The following MYO1G variants were observed in gnomAD, a reference collection of about 807,000 sequenced individuals.
The protein encoded by MYO1G is myosin IG, also known as unconventional myosin-Ig.
Under a neutral mutation model 115.3 loss-of-function variants are expected in MYO1G, and 65 were observed. The observed-to-expected ratio is 0.56, with a 90% CI of 0.46 to 0.69. The LOEUF is 0.69. MYO1G is among the 30% of genes least tolerant of loss of function. The pLI, the probability that MYO1G is intolerant of heterozygous loss-of-function variation, is 0.00. For missense variants in MYO1G, 1,204 were observed against 1,393.5 expected (o/e 0.86, Z 2.16); for synonymous variants, 510 against 552.6 (o/e 0.92, Z 1.08).
chr7:44,963,433 G>C lies in MYO1G; in HGVS notation c.2746-309C>G. 2.6e-6 allele frequency: 1 copy of C among 381,730 alleles called. No individual in the cohort carries two copies. The highest frequency in any genetic ancestry group is 6.8e-5 in the South Asian group (1 of 14,634). The allele number at this position is 381,730 out of a possible 1,614,324, so 23.6% of individuals were successfully genotyped here. The stretch of plus-strand genomic sequence containing the variant: ...CCCTTGCATGTGCTACTGCCTGGAG[G>C]AGCCGTTTTTAGTTCTAGGTCACTT... On this transcript the variant is annotated intron_variant, in intron 20 of 21. Transcript: ENST00000258787. The surrounding 1 kb of genome is among the most constrained non-coding windows in gnomAD (Gnocchi z 4.1).
chr7:44,962,983 C>T lies in MYO1G; in HGVS notation c.2887G>A (p.Ala963Thr), dbSNP rs1407433110. ...RVGELVGVLA[A>T]HCQGEGRTLE... The stretch of plus-strand genomic sequence containing the variant: ...GCCTGCACTCACCCCTGGCAGTGTG[C>T]GGCCAGCACGCCCACCAGCTCCCCA... Residue 963 changes from alanine (A) to threonine (T), a missense_variant, in exon 21 of 22, where the codon GCA (alanine) becomes ACA (threonine). Ala to Thr is a moderately conservative substitution (Grantham distance 58). Transcript: ENST00000258787. The surrounding 1 kb of genome is among the most constrained non-coding windows in gnomAD (Gnocchi z 5.3). 4 of 1,532,338 alleles carry T rather than the reference C, an allele frequency of 2.6e-6. No homozygotes were observed. The highest frequency in any genetic ancestry group is 2.5e-5 in the East Asian group (1 of 40,016). The allele number at this position is 1,532,338 out of a possible 1,614,324, so 94.9% of individuals were successfully genotyped here. A position where few individuals can be genotyped will look rare whatever the true frequency, so the allele number is the denominator to read the frequency against.
rs1251740226 is a variant in MYO1G at position 44,966,244 on chromosome 7, G to A, written c.1986C>T (p.His662=). The change falls in exon 16 of 22, where the codon CAC becomes CAT. Residue 662 remains histidine, a synonymous_variant. Coordinates refer to ENST00000258787, the MANE Select transcript of MYO1G (RefSeq NM_033054.3). This position sits in a 1 kb window ranked among gnomAD's most constrained non-coding sequence, Gnocchi z 5.0. The stretch of plus-strand genomic sequence containing the variant: ...CGGCTGCCTTGTCGGAGCCCAGCAG[G>A]TGGTTGGGCCATGTGTATTCACAGG... The part of the protein sequence containing the change: ...KMTCEYTWPN[H]LLGSDKAAVS... 1 of 1,611,408 alleles carries A rather than the reference G, an allele frequency of 6.2e-7. No individual in the cohort carries two copies. Among genetic ancestry groups the A allele is most frequent in the Non-Finnish European group, 8.5e-7 (1 of 1,179,388 alleles).
intron 5 of MYO1G, 63 bp from the exon 6 acceptor site, chr7:44,972,288 C>G (rs2128702438): frequency 8.4e-7 from 1 of 1,195,054 alleles, no homozygotes; most frequent in South Asian, 1.2e-5. Flanking sequence ...TACACACACA[C>G]AGGCAGGAGA....
At chr7:44,978,490 G>A (rs1319088351) in intron 1 of MYO1G, among the ~76,000 whole-genome samples, 1 of 152,224 alleles carries the variant, frequency 6.6e-6, no homozygotes, top group Non-Finnish European at 1.5e-5. Context: ...CTGGAGGGAG[G>A]TGCCCCTGGT....
intron 1 of MYO1G, among the ~76,000 whole-genome samples, chr7:44,978,081 T>C (rs907817824): frequency 6.6e-6 from 1 of 152,136 alleles, no homozygotes; most frequent in Non-Finnish European, 1.5e-5. Flanking sequence ...GCCAGGCTCG[T>C]GGTCTCTTGC....
rs772561947 is a variant in MYO1G, at chr7:44,975,241, G to A, written c.565-14C>T. 3.7e-6 allele frequency: 6 copies of A among 1,613,852 alleles called. No individual in the cohort carries two copies. The East Asian group carries it at 1.3e-4, about 36-fold the overall frequency. On this transcript the variant is annotated splice_polypyrimidine_tract_variant and intron_variant, in intron 4 of 21. Coordinates refer to ENST00000258787, the MANE Select transcript of MYO1G (RefSeq NM_033054.3). ...GAGGACCCGAGACTGAGGAGAGAGG[G>A]GCAGATGGACTCAGGCCTGGGAAGG...
At chr7:44,970,239 G>T (rs1794929828) in intron 9 of MYO1G, 85 bp from the exon 10 acceptor site, 3 of 957,720 alleles carry the variant, frequency 3.1e-6, no homozygotes, top group East Asian at 5.1e-5. Flanking sequence ...GAACATCTCT[G>T]CTAATGTTCA....
chr7:44,971,283 G>A (rs748038692), intron 7 of MYO1G, among the ~76,000 whole-genome samples: 2 of 146,608 alleles, frequency 1.4e-5, no homozygotes, highest in Admixed American at 6.7e-5. Flanking sequence ...TCGAGGCCTC[G>A]AGTCCAAATG....
Position 44,965,712 on chromosome 7 carries a change from C to A in MYO1G, c.2306G>T (p.Gly769Val). 6 of 1,613,012 alleles carry A rather than the reference C, an allele frequency of 3.7e-6. No homozygotes were observed. The highest frequency in any genetic ancestry group is 5.1e-6 in the Non-Finnish European group (6 of 1,180,014). ...GGGCAGCGGCCACACAAGGTCACGC[C>A]CGTAGAGTGGCGGCTGCCTTGCAGC... ...FQAARQPPLY[G>V]RDLVWPLPPA... The change falls in exon 17 of 22, where the codon GGG becomes GTG. Residue 769 changes from glycine to valine, a missense_variant. By Grantham distance (109) the Gly-to-Val change is moderately radical (BLOSUM62 -3). Transcript: ENST00000258787.
Position 44,970,693 on chromosome 7 carries a change from G to T in MYO1G, c.1116C>A (p.Asn372Lys). ...CCCGGCCCCGGGGTTCCATGACACT[G>T]TTGATCCTGTTCACCACCCACTCAA... ...RLFEWVVNRINSVMEPRGRDP... is the reference protein window; with the variant it reads ...RLFEWVVNRIKSVMEPRGRDP... Residue 372 changes from asparagine to lysine, a missense_variant, in exon 9 of 22, where the codon AAC (asparagine) becomes AAA (lysine). Transcript: ENST00000258787. 1 of 1,614,004 alleles carries T rather than the reference G, an allele frequency of 6.2e-7. No individual in the cohort carries two copies. The highest frequency in any genetic ancestry group is 1.1e-5 in the South Asian group (1 of 91,084).
At chr7:44,976,770 A>T in intron 2 of MYO1G, 93 bp downstream of exon 2, 1 of 1,569,976 alleles carries the variant, frequency 6.4e-7, no homozygotes, top group South Asian at 1.1e-5. Context: ...GGCCCCCATC[A>T]GGACACAGGG....
Position 44,967,633 on chromosome 7 carries a change from A to G in MYO1G, c.1754T>C (p.Val585Ala). The G allele has an allele frequency of 6.2e-7, 1 of 1,613,838 alleles. No individual in the cohort carries two copies. Among genetic ancestry groups the G allele is most frequent in the Non-Finnish European group, 8.5e-7 (1 of 1,180,032 alleles). Residue 585 changes from valine to alanine, a missense_variant, in exon 14 of 22, where the codon GTG (valine) becomes GCG (alanine). Transcript: ENST00000258787. ...GGAGGCAAGGTTCTCCACCAGGGCC[A>G]CCATGGAGTTCTTGAAGAGTGTGCC... ...TAGTLFKNSM[V>A]ALVENLASKE...
rs1022110104 is a variant in MYO1G at position 44,966,356 on chromosome 7, C to G, written c.1950-76G>C. 1.0e-5 allele frequency: 13 copies of G among 1,300,020 alleles called. No individual in the cohort carries two copies. Among genetic ancestry groups the G allele is most frequent in the Admixed American group, 8.0e-5 (4 of 50,292 alleles). The allele number at this position is 1,300,020 out of a possible 1,614,324, so 80.5% of individuals were successfully genotyped here. On this transcript the variant is annotated intron_variant, in intron 15 of 21. Transcript: ENST00000258787. This position sits in a 1 kb window ranked among gnomAD's most constrained non-coding sequence, Gnocchi z 5.0. Reference sequence around the variant, plus strand: ...GGAGCCCACCCTGCCCACCCCACACCTGGGGAGATGGCAGGGATACAGAGT... The same window carrying G: ...GGAGCCCACCCTGCCCACCCCACACGTGGGGAGATGGCAGGGATACAGAGT...
intron 14 of MYO1G, 123 bp downstream of exon 14, chr7:44,967,482 A>G: frequency 7.6e-7 from 1 of 1,324,492 alleles, no homozygotes; most frequent in Non-Finnish European, 1.1e-6. Context: ...TGGCTCATAC[A>G]GACAGGACAA....
Position 44,977,088 on chromosome 7 carries a change from T to A in MYO1G, c.96-17A>T. 1 of 1,610,992 alleles carries A rather than the reference T, an allele frequency of 6.2e-7. No homozygotes were observed. Among genetic ancestry groups the A allele is most frequent in the Non-Finnish European group, 8.5e-7 (1 of 1,178,930 alleles). ...TTCTCGAACCTGGACACAGCAGGGGTAGGCCTCAGCACTCACAGGCTTACA... is the reference window on the plus strand; with the variant it reads ...TTCTCGAACCTGGACACAGCAGGGGAAGGCCTCAGCACTCACAGGCTTACA... On this transcript the variant is annotated splice_polypyrimidine_tract_variant and intron_variant, in intron 1 of 21. Transcript: ENST00000258787.
In MYO1G at chr7:44,963,282, T is replaced by C. The variant is rs910260262; in HGVS notation, c.2746-158A>G. 9.0e-6 allele frequency: 7 copies of C among 779,258 alleles called. No individual in the cohort carries two copies. The African/African-American group carries it at 1.3e-4, about 15-fold the overall frequency. 48.3% of individuals were successfully genotyped at this position (779,258 alleles called of 1,614,324 possible). A position where few individuals can be genotyped will look rare whatever the true frequency, so the allele number is the denominator to read the frequency against. On this transcript the variant is annotated intron_variant, in intron 20 of 21. Coordinates refer to ENST00000258787, the MANE Select transcript of MYO1G (RefSeq NM_033054.3). The surrounding 1 kb of genome is among the most constrained non-coding windows in gnomAD (Gnocchi z 4.1). ...CAGCCCCCCACCGCCCCCTCCTCCC[T>C]CTCGGGGCCCTGCTGACAGGGGGAA... is the stretch of plus-strand genomic sequence containing the variant.
Position 44,964,531 on chromosome 7 carries a change from T to C in MYO1G, c.2527-12A>G. The C allele has an allele frequency of 1.2e-6, 2 of 1,608,122 alleles. No individual in the cohort carries two copies. Among genetic ancestry groups the C allele is most frequent in the Non-Finnish European group, 1.7e-6 (2 of 1,174,794 alleles). On this transcript the variant is annotated splice_polypyrimidine_tract_variant and intron_variant, in intron 18 of 21. Transcript: ENST00000258787. The surrounding 1 kb of genome is among the most constrained non-coding windows in gnomAD (Gnocchi z 5.1). ...GGATTGTCAGTGGCCTGAGGACAGA[T>C]GGAGGGGAGGGGGCGCTGCTTGGGA...
intron 1 of MYO1G, among the ~76,000 whole-genome samples, chr7:44,977,940 C>T (rs1022882210): frequency 3.0e-5 from 3 of 100,802 alleles, no homozygotes; most frequent in African/African-American, 9.9e-5. Flanking sequence ...AAGTCACCCA[C>T]GTCTCCAGGG....
In MYO1G at chr7:44,964,069, G is replaced by T; in HGVS notation, c.2725C>A (p.Arg909=). ...LDPDRQYRVM[R]AVPLEAVTGL... The stretch of plus-strand genomic sequence containing the variant: ...CTCACCGCCTCAAGGGGCACGGCCC[G>T]CATCACCCGGTACTGCCGGTCAGGG... Residue 909 remains arginine, a synonymous_variant, in exon 20 of 22, where the codon CGG becomes AGG. Coordinates refer to ENST00000258787, the MANE Select transcript of MYO1G (RefSeq NM_033054.3). This position sits in a 1 kb window ranked among gnomAD's most constrained non-coding sequence, Gnocchi z 5.1. 5 of 1,599,560 alleles carry T rather than the reference G, an allele frequency of 3.1e-6. No individual in the cohort carries two copies. The highest frequency in any genetic ancestry group is 4.3e-6 in the Non-Finnish European group (5 of 1,173,172).
Sources: allele counts gnomAD v4.1 joint callset (sites outside exome capture counted in the v4.1 genomes callset), GRCh38; gene constraint gnomAD v4.1.1; non-coding constraint Gnocchi (gnomAD v3.1); transcripts MANE v1.5; gene names NCBI Gene and HGNC (gene_info 2026-07-23, HGNC 2026-07-21).